FBXO11: variants seen among roughly 807,000 people sequenced by gnomAD.
FBXO11 encodes the protein F-box only protein 11.
In FBXO11, 13 loss-of-function variants were observed where a neutral mutation model predicts 117.0. That is an observed-to-expected ratio of 0.11 (90% CI 0.07 to 0.18). FBXO11 has a LOEUF of 0.18. Ranked by LOEUF, FBXO11 falls within the 10% of genes least tolerant of loss-of-function variation. The probability of loss-of-function intolerance (pLI) is 1.00; values close to 1 mark genes in which losing one functional copy is unlikely to be tolerated. For synonymous variants in FBXO11, 490 were observed against 380.5 expected, an observed-to-expected ratio of 1.29 and a Z score of -3.35; for missense variants, 767 against 1,164.4, an observed-to-expected ratio of 0.66 and a Z score of 4.97.
At chr2:47,883,535 G>T in intron 1 of FBXO11, 1 of 381,908 alleles carries the variant, frequency 2.6e-6, no homozygotes, top group Non-Finnish European at 5.2e-6. Context: ...AAAATGTAAA[G>T]GCCAAGATCC....
At chr2:47,846,054 A>C (rs951662681) in intron 1 of FBXO11, among the ~76,000 whole-genome samples, 1 of 152,238 alleles carries the variant, frequency 6.6e-6, no homozygotes, top group African/African-American at 2.4e-5. Flanking sequence ...TTGTTACATT[A>C]AATAAAAATG....
chr2:47,872,534 G>C (rs1675699456), intron 1 of FBXO11, among the ~76,000 whole-genome samples: 1 of 152,242 alleles, frequency 6.6e-6, no homozygotes, highest in Non-Finnish European at 1.5e-5. Context: ...ATGTTGGCCA[G>C]AGTGGTCTAA....
intron 13 of FBXO11, 59 bp downstream of exon 13, chr2:47,822,159 G>A: frequency 9.0e-7 from 1 of 1,107,630 alleles, no homozygotes; most frequent in Non-Finnish European, 1.3e-6. Flanking sequence ...CCATCATTTT[G>A]CTAATATCAA....
chr2:47,837,889 C>G (rs1226665685), intron 4 of FBXO11, among the ~76,000 whole-genome samples: 1 of 151,990 alleles, frequency 6.6e-6, no homozygotes, highest in Non-Finnish European at 1.5e-5. Context: ...AGCCACCACA[C>G]CTGGCCTCTT....
Position 47,819,193 on chromosome 2 carries a change from G to C in FBXO11, c.1798-115C>G, listed in dbSNP as rs1671208891. ...TTTCCATTTTTGTTTTTTCATCCGA[G>C]TAAGGAGGTAATGGCAATATTCTTT... On this transcript the variant is annotated intron_variant, in intron 14 of 22. Coordinates refer to ENST00000403359, the MANE Select transcript of FBXO11 (RefSeq NM_001190274.2). The C allele has an allele frequency of 3.3e-6, 3 of 905,608 alleles. No individual in the cohort carries two copies. The East Asian group carries it at 7.6e-5, about 23-fold the overall frequency. The allele number at this position is 905,608 out of a possible 1,614,324, so 56.1% of individuals were successfully genotyped here. A position where few individuals can be genotyped will look rare whatever the true frequency, so the allele number is the denominator to read the frequency against.
rs1400750703 is a variant in FBXO11, at chr2:47,906,341, G to T, written c.-621C>A. On this transcript the variant is annotated 5_prime_UTR_variant, in exon 1 of 23. Transcript: ENST00000403359. The stretch of plus-strand genomic sequence containing the variant: ...CTTCTCTCCTCGGCGAAGGGGAAAT[G>T]AGTGTGAAGGGAGGAGATAGGGGGA... 6.6e-6 allele frequency among the ~76,000 whole-genome samples: 1 copy of T among 152,110 alleles called. No homozygotes were observed. Among genetic ancestry groups the T allele is most frequent in the East Asian group, 1.9e-4 (1 of 5,184 alleles).
intron 9 of FBXO11, 34 bp from the exon 10 acceptor site, chr2:47,832,712 A>C (rs760312831): frequency 1.1e-5 from 17 of 1,608,466 alleles, no homozygotes; most frequent in Non-Finnish European, 1.4e-5. Flanking sequence ...GTAAAAACCT[A>C]CTGGGCAACA....
intron 7 of FBXO11, among the ~76,000 whole-genome samples, chr2:47,834,343 C>A (rs1333940606): frequency 6.6e-6 from 1 of 150,960 alleles, no homozygotes; most frequent in Non-Finnish European, 1.5e-5. Flanking sequence ...TAGCTAGACT[C>A]TGCATCAAAA....
At chr2:47,826,057 A>C (rs1363861780) in intron 11 of FBXO11, among the ~76,000 whole-genome samples, 1 of 151,916 alleles carries the variant, frequency 6.6e-6, no homozygotes, top group Non-Finnish European at 1.5e-5. Flanking sequence ...GTACATCCAC[A>C]AGTTTTTTTG....
At position 47,905,487 on chromosome 2, in the gene FBXO11, A is replaced by G; in HGVS notation, c.232+2T>C. On this transcript the variant is annotated splice_donor_variant, in intron 1 of 22. Coordinates refer to ENST00000403359, the MANE Select transcript of FBXO11 (RefSeq NM_001190274.2). LOFTEE classifies it high-confidence loss of function. ...GGCGGTTGGGAGGTAGCGCGGCCTT[A>G]CCCCGCTCGCCGACGTTGTTCCGCT... The G allele has an allele frequency of 8.1e-7, 1 of 1,228,768 alleles. No homozygotes were observed. 76.1% of individuals were successfully genotyped at this position (1,228,768 alleles called of 1,614,324 possible).
intron 1 of FBXO11, among the ~76,000 whole-genome samples, chr2:47,843,641 A>T (rs1440858782): frequency 6.6e-6 from 1 of 151,940 alleles, no homozygotes; most frequent in African/African-American, 2.4e-5. Context: ...TTGGTCTATC[A>T]GCTTTCTGTT....
intron 1 of FBXO11, among the ~76,000 whole-genome samples, chr2:47,892,194 C>T (rs1677304646): frequency 6.6e-6 from 1 of 152,116 alleles, no homozygotes; most frequent in South Asian, 2.1e-4. Flanking sequence ...CTGCCAAAGA[C>T]AATGTCACAA....
At chr2:47,898,673 T>C (rs1350703922) in intron 1 of FBXO11, among the ~76,000 whole-genome samples, 1 of 152,192 alleles carries the variant, frequency 6.6e-6, no homozygotes, top group Non-Finnish European at 1.5e-5. Flanking sequence ...AGAAGATTAC[T>C]TGAAAAATGT....
chr2:47,808,854 T>C (rs17036971), intron 21 of FBXO11: 112 of 271,796 alleles, frequency 4.1e-4, no homozygotes, highest in Non-Finnish European at 3.2e-4. Context: ...GGTTTTTCCA[T>C]AGTTATGGTC....
chr2:47,807,287 A>AAAAC lies in FBXO11; in HGVS notation c.*827_*830dup, dbSNP rs1185687713. On this transcript the variant is annotated 3_prime_UTR_variant, in exon 23 of 23. Coordinates refer to ENST00000403359, the MANE Select transcript of FBXO11 (RefSeq NM_001190274.2). ...TGAAGAGACTTTCTAAAGTGTACTTAAAACATAGTAGTTTTTTACCTTTCA... is the reference window on the plus strand; with the variant it reads ...TGAAGAGACTTTCTAAAGTGTACTTAAAACAAACATAGTAGTTTTTTACCTTTCA... 2 of 220,098 alleles carry AAAAC rather than the reference A, an allele frequency of 9.1e-6. No individual in the cohort carries two copies. Among genetic ancestry groups the AAAAC allele is most frequent in the Admixed American group, 5.6e-5 (1 of 17,794 alleles). 13.6% of individuals were successfully genotyped at this position (220,098 alleles called of 1,614,324 possible). A position where few individuals can be genotyped will look rare whatever the true frequency, so the allele number is the denominator to read the frequency against.
intron 11 of FBXO11, among the ~76,000 whole-genome samples, chr2:47,827,308 T>G (rs1272501287): frequency 6.7e-6 from 1 of 148,468 alleles, no homozygotes; most frequent in African/African-American, 2.6e-5. Context: ...AAGATTTTTT[T>G]GTTTGTTTGT....
intron 12 of FBXO11, among the ~76,000 whole-genome samples, 194 bp downstream of exon 12, chr2:47,822,949 A>C (rs898895925): frequency 1.3e-5 from 2 of 152,344 alleles, no homozygotes; most frequent in African/African-American, 4.8e-5. Flanking sequence ...TAATAAAAAG[A>C]AAAATAAAAA....
At chr2:47,829,402 G>A (rs1018141936) in intron 11 of FBXO11, among the ~76,000 whole-genome samples, 4 of 151,754 alleles carry the variant, frequency 2.6e-5, no homozygotes, top group Non-Finnish European at 5.9e-5. Flanking sequence ...CAACACACCC[G>A]GCTAATTTAT....
At chr2:47,902,404 T>G (rs1678364500) in intron 1 of FBXO11, among the ~76,000 whole-genome samples, 2 of 152,178 alleles carry the variant, frequency 1.3e-5, no homozygotes. Flanking sequence ...ACGTGGGGTG[T>G]AAGAAATGCT....
Sources: gnomAD v4.1 joint callset for allele counts (sites outside exome capture counted in the v4.1 genomes callset) on GRCh38, gnomAD v4.1.1 for gene constraint, MANE v1.5 for transcripts, NCBI Gene and HGNC (gene_info 2026-07-23, HGNC 2026-07-21) for gene names.